Variants in RAB37 observed in about 807,000 individuals in gnomAD.
RAB37 encodes RAB37, member RAS oncogene family.
A neutral mutation model predicts 33.1 loss-of-function variants in RAB37; 29 were observed. The observed-to-expected ratio is 0.88, with a 90% confidence interval of 0.65 to 1.20. RAB37 has a LOEUF of 1.20. RAB37 is among the 50% of genes most tolerant of loss of function. The pLI is 0.00. For missense variants in RAB37, 299 were observed against 301.1 expected (o/e 0.99, Z 0.05); for synonymous variants, 128 against 119.5 (o/e 1.07, Z -0.47).
At chr17:74,704,762 C>G in intron 1 of RAB37, 1 of 1,614,124 alleles carries the variant, frequency 6.2e-7, no homozygotes, top group South Asian at 1.1e-5. Flanking sequence ...CAAGGAGCCC[C>G]GCTCCAAGCC....
chr17:74,724,268 A>T (rs1324517678), intron 1 of RAB37, among the ~76,000 whole-genome samples: 4 of 152,236 alleles, frequency 2.6e-5, no homozygotes, highest in Non-Finnish European at 5.9e-5. Flanking sequence ...ACAACTCAGA[A>T]GCAAAGGCAG....
At chr17:74,731,004 G>A (rs1227413900) in intron 2 of RAB37, among the ~76,000 whole-genome samples, 3 of 152,240 alleles carry the variant, frequency 2.0e-5, no homozygotes, top group Non-Finnish European at 4.4e-5. Flanking sequence ...TGGGCTGCCT[G>A]CTTGGTACCA....
In RAB37 at chr17:74,730,808, C is replaced by A. The variant is rs978046363; in HGVS notation, c.183+1442C>A. Among the ~76,000 whole-genome samples the A allele has an allele frequency of 1.3e-5, 2 of 152,230 alleles. No homozygotes were observed. The highest frequency in any genetic ancestry group is 4.8e-5 in the African/African-American group (2 of 41,466). On this transcript the variant is annotated intron_variant, in intron 2 of 7. Transcript: ENST00000340415. This position sits in a 1 kb window ranked among gnomAD's most constrained non-coding sequence, Gnocchi z 4.4. Reference sequence around the variant, plus strand: ...TGGGGTGGATGTGGCTGTGGACATGCAAAGTCTGACTCACGTTCCACAGAC... The same window carrying A: ...TGGGGTGGATGTGGCTGTGGACATGAAAAGTCTGACTCACGTTCCACAGAC...
At chr17:74,727,886 T>C (rs1420083851) in intron 1 of RAB37, among the ~76,000 whole-genome samples, 1 of 151,644 alleles carries the variant, frequency 6.6e-6, no homozygotes, top group African/African-American at 2.4e-5. Flanking sequence ...GTGTTTATGT[T>C]TGTGTGTATA....
intron 1 of RAB37, among the ~76,000 whole-genome samples, chr17:74,723,601 C>T (rs1161523506): frequency 2.3e-5 from 3 of 132,732 alleles, no homozygotes; most frequent in Non-Finnish European, 4.7e-5. Context: ...TTTTTTGAGA[C>T]GGAGTCTCAC....
rs552458691 is a variant in RAB37 at position 74,745,795 on chromosome 17, G to C, written c.*384G>C. On this transcript the variant is annotated 3_prime_UTR_variant, in exon 9 of 9. Transcript: ENST00000392613. This position sits in a 1 kb window ranked among gnomAD's most constrained non-coding sequence, Gnocchi z 4.5. ...CCCCAGGGGACACAGATGCACTTTG[G>C]GGGTGAGGGCAGGTAATGACTCCAT... The C allele has an allele frequency of 5.2e-6, 1 of 192,040 alleles. No individual in the cohort carries two copies. Among genetic ancestry groups the C allele is most frequent in the South Asian group, 8.9e-5 (1 of 11,244 alleles). The allele number at this position is 192,040 out of a possible 1,614,324, so 11.9% of individuals were successfully genotyped here.
chr17:74,731,532 C>A (rs1304867237), intron 2 of RAB37, among the ~76,000 whole-genome samples: 3 of 152,306 alleles, frequency 2.0e-5, no homozygotes, highest in Admixed American at 6.5e-5. Flanking sequence ...TCTCCACTAC[C>A]AGCCCCATCA....
At chr17:74,692,604 C>G (rs887961182) in intron 1 of RAB37, among the ~76,000 whole-genome samples, 2 of 152,114 alleles carry the variant, frequency 1.3e-5, no homozygotes, top group Admixed American at 6.5e-5. Context: ...AGCCATGATG[C>G]CTTTCCCTGA....
intron 5 of RAB37, among the ~76,000 whole-genome samples, 173 bp downstream of exon 5, chr17:74,743,513 C>T (rs2034673849): frequency 6.6e-6 from 1 of 152,164 alleles, no homozygotes; most frequent in Admixed American, 6.5e-5. Context: ...ATTTGGTGGC[C>T]ATGTGGGCAT....
At chr17:74,722,139 C>T (rs1236530467) in intron 1 of RAB37, among the ~76,000 whole-genome samples, 7 of 152,030 alleles carry the variant, frequency 4.6e-5, no homozygotes, top group African/African-American at 7.2e-5. Context: ...AAAAATTAGC[C>T]GGGCGTGGTG....
intron 1 of RAB37, among the ~76,000 whole-genome samples, chr17:74,680,889 G>T (rs2031941274): frequency 6.6e-6 from 1 of 152,086 alleles, no homozygotes; most frequent in South Asian, 2.1e-4. Flanking sequence ...GGATTTCAGG[G>T]GCAAGAACCA....
chr17:74,674,358 T>C (rs12373127), intron 1 of RAB37, among the ~76,000 whole-genome samples: 126,210 of 151,502 alleles, frequency 0.83, 52,732 homozygotes, highest in Non-Finnish European at 0.86. Flanking sequence ...TGGCATTATA[T>C]GTATGAGCCA....
Position 74,737,343 on chromosome 17 carries a change from C to A in RAB37, c.71C>A (p.Pro24Gln), listed in dbSNP as rs867905697. 3 of 1,576,812 alleles carry A rather than the reference C, an allele frequency of 1.9e-6. No individual in the cohort carries two copies. The highest frequency in any genetic ancestry group is 2.6e-6 in the Non-Finnish European group (3 of 1,168,840). Reference protein sequence around the residue: ...EAPERSPPCSPSYDLTGKVML... With the variant: ...EAPERSPPCSQSYDLTGKVML... ...CCCGAGCGCTCCCCGCCCTGCAGTC[C>A]GAGCTACGACCTCACGGGCAAGGTG... is the stretch of plus-strand genomic sequence containing the variant. The change falls in exon 1 of 9, where the codon CCG becomes CAG. Residue 24 changes from proline (P) to glutamine (Q), a missense_variant. Physicochemically the swap from Pro to Gln is moderately conservative, Grantham distance 76. Coordinates refer to ENST00000392613, the MANE Select transcript of RAB37 (RefSeq NM_001006638.3).
chr17:74,729,127 T>C lies in RAB37; in HGVS notation c.73-129T>C. ...GTGTCAGTGTCTTGTGTGTGTGTGT[T>C]TCTGTGTGTGTGTGTGCATGTTGTG... On this transcript the variant is annotated intron_variant, in intron 1 of 7. Coordinates refer to the RAB37 transcript ENST00000340415. This position sits in a 1 kb window ranked among gnomAD's most constrained non-coding sequence, Gnocchi z 4.2. 1 of 694,558 alleles carries C rather than the reference T, an allele frequency of 1.4e-6. No homozygotes were observed. Among genetic ancestry groups the C allele is most frequent in the Non-Finnish European group, 2.7e-6 (1 of 371,512 alleles). The allele number at this position is 694,558 out of a possible 1,614,324, so 43.0% of individuals were successfully genotyped here. A position where few individuals can be genotyped will look rare whatever the true frequency, so the allele number is the denominator to read the frequency against.
At chr17:74,695,994 T>C (rs2032430693) in intron 1 of RAB37, 8 of 1,281,158 alleles carry the variant, frequency 6.2e-6, no homozygotes, top group South Asian at 1.4e-5. Context: ...TGTCCTCCAC[T>C]TCTCAGGCTC....
chr17:74,725,203 C>A (rs1049625382), intron 1 of RAB37, among the ~76,000 whole-genome samples: 1 of 152,006 alleles, frequency 6.6e-6, no homozygotes, highest in Admixed American at 6.6e-5. Flanking sequence ...CAGCCCCCCA[C>A]CCACAAGCTC....
At chr17:74,733,002 G>T (rs1362843006), upstream of RAB37, among the ~76,000 whole-genome samples, 1 of 151,996 alleles carries the variant, frequency 6.6e-6, no homozygotes, top group Admixed American at 6.6e-5. Flanking sequence ...TCTCAGATCT[G>T]GAGGCAATAA....
At chr17:74,689,676 C>G (rs1288187618) in intron 1 of RAB37, among the ~76,000 whole-genome samples, 1 of 152,140 alleles carries the variant, frequency 6.6e-6, no homozygotes, top group Non-Finnish European at 1.5e-5. Context: ...TCTGTCCTTG[C>G]CAATCTAAAA....
At chr17:74,728,484 G>A (rs1023528120) in intron 1 of RAB37, among the ~76,000 whole-genome samples, 5 of 151,650 alleles carry the variant, frequency 3.3e-5, no homozygotes, top group Admixed American at 6.6e-5. Flanking sequence ...GTGTGTTTCT[G>A]TGTGTACACG....
Sources: gnomAD v4.1 joint callset for allele counts (sites outside exome capture counted in the v4.1 genomes callset) on GRCh38, gnomAD v4.1.1 for gene constraint, Gnocchi (gnomAD v3.1) non-coding constraint, MANE v1.5 for transcripts, NCBI Gene and HGNC (gene_info 2026-07-23, HGNC 2026-07-21) for gene names.